Variants in VRK1 observed in about 807,000 individuals in gnomAD.
VRK1 encodes VRK serine/threonine kinase 1, also known as serine/threonine-protein kinase VRK1.
VRK1 carries 33 observed loss-of-function variants against 57.1 expected under a neutral mutation model. That is an observed-to-expected ratio of 0.58 (90% CI 0.44 to 0.77). The LOEUF (loss-of-function observed/expected upper bound fraction) is 0.77. Ranked by LOEUF, VRK1 falls within the 30% of genes least tolerant of loss-of-function variation. The pLI is 0.00. For missense variants in VRK1, 413 were observed against 477.3 expected (o/e 0.87, Z 1.25); for synonymous variants, 137 against 147.8 (o/e 0.93, Z 0.53).
chr14:96,835,372 T>C (rs1308500173), intron 2 of VRK1, among the ~76,000 whole-genome samples: 2 of 152,230 alleles, frequency 1.3e-5, no homozygotes, highest in African/African-American at 2.4e-5. Flanking sequence ...TTCTTTCTGC[T>C]TTTCTGGCTG....
chr14:96,876,179 C>T, intron 12 of VRK1, 59 bp downstream of exon 12: 1 of 1,530,066 alleles, frequency 6.5e-7, no homozygotes, highest in African/African-American at 1.4e-5. Flanking sequence ...TCATTTCCTC[C>T]CATTAGATGA....
chr14:96,879,574 C>T (rs1889170706), intron 12 of VRK1, among the ~76,000 whole-genome samples: 1 of 152,030 alleles, frequency 6.6e-6, no homozygotes, highest in African/African-American at 2.4e-5. Context: ...TTTTGTAATA[C>T]CCTTTATGCC....
intron 1 of VRK1, among the ~76,000 whole-genome samples, chr14:96,814,459 A>G (rs1886318409): frequency 6.6e-6 from 1 of 152,224 alleles, no homozygotes; most frequent in Non-Finnish European, 1.5e-5. Context: ...TTTATTTACT[A>G]AAGTTCTTTT....
chr14:96,841,491 AT>A (rs1887458816), intron 3 of VRK1, among the ~76,000 whole-genome samples: 1 of 152,110 alleles, frequency 6.6e-6, no homozygotes, highest in South Asian at 2.1e-4. Context: ...TACTCAGTTG[AT>A]TTCTCTTTTG....
At chr14:96,865,792 CAA>C (rs1888563849) in intron 11 of VRK1, among the ~76,000 whole-genome samples, 1 of 151,134 alleles carries the variant, frequency 6.6e-6, no homozygotes, top group South Asian at 2.1e-4. Context: ...TGTGATTATA[CAA>C]AGTCTTTCCT....
intron 1 of VRK1, among the ~76,000 whole-genome samples, chr14:96,829,942 T>C (rs916773472): frequency 1.3e-5 from 2 of 152,198 alleles, no homozygotes; most frequent in East Asian, 1.9e-4. Flanking sequence ...TAGATTCTTA[T>C]TGCTGTTTTC....
intron 5 of VRK1, among the ~76,000 whole-genome samples, chr14:96,850,910 C>T (rs1001475312): frequency 1.3e-5 from 2 of 152,138 alleles, no homozygotes; most frequent in South Asian, 2.1e-4. Flanking sequence ...TTTTGGAGCA[C>T]TTCTGATTTC....
Position 96,847,265 on chromosome 14 carries a change from T to G in VRK1, c.295T>G (p.Trp99Gly), listed in dbSNP as rs763123683. Reference protein sequence around the residue: ...RAAKPEQIQKWIRTRKLKYLG... With the variant: ...RAAKPEQIQKGIRTRKLKYLG... ...TCTGTTTTAATTTGTAGTTCAGAAA[T>G]GGATTCGTACCCGTAAGCTGAAGTA... is the stretch of plus-strand genomic sequence containing the variant. The change falls in exon 5 of 13, where the codon TGG (tryptophan) becomes GGG (glycine). Residue 99 changes from tryptophan (W) to glycine (G), a missense_variant. Around this residue, in one of 3 missense-constraint regions of VRK1, gnomAD observed 151 missense variants for 225.5 expected, o/e 0.67. Coordinates refer to ENST00000216639, the MANE Select transcript of VRK1 (RefSeq NM_003384.3). The G allele has an allele frequency of 9.3e-6, 15 of 1,613,578 alleles. No individual in the cohort carries two copies. Among genetic ancestry groups the G allele is most frequent in the Non-Finnish European group, 1.3e-5 (15 of 1,179,576 alleles).
chr14:96,869,649 A>C (rs1260068079), intron 11 of VRK1, among the ~76,000 whole-genome samples: 1 of 152,214 alleles, frequency 6.6e-6, no homozygotes. Flanking sequence ...CCTTTTAAGA[A>C]CATATAAGTC....
At chr14:96,817,797 A>G (rs1886452770) in intron 1 of VRK1, among the ~76,000 whole-genome samples, 1 of 152,234 alleles carries the variant, frequency 6.6e-6, no homozygotes, top group African/African-American at 2.4e-5. Flanking sequence ...TATTAGCTAT[A>G]TAGTTCACAG....
chr14:96,801,027 TAGGAACACGAGC>T (rs1355587091), intron 1 of VRK1, among the ~76,000 whole-genome samples: 9 of 152,158 alleles, frequency 5.9e-5, no homozygotes, highest in African/African-American at 2.2e-4. Flanking sequence ...TGAAAGTCAT[TAGGAACACGAGC>T]AGCCTCATTC....
At chr14:96,804,953 C>T (rs1331493889) in intron 1 of VRK1, among the ~76,000 whole-genome samples, 1 of 152,152 alleles carries the variant, frequency 6.6e-6, no homozygotes, top group East Asian at 1.9e-4. Context: ...TTAAGTTGTA[C>T]ATTTGGGAAA....
intron 3 of VRK1, among the ~76,000 whole-genome samples, chr14:96,844,919 G>A (rs1454786621): frequency 6.6e-6 from 1 of 152,182 alleles, no homozygotes; most frequent in East Asian, 1.9e-4. Flanking sequence ...AGAGCAGAGA[G>A]TATGGAGTGG....
At chr14:96,867,842 C>T (rs555653930) in intron 11 of VRK1, among the ~76,000 whole-genome samples, 2 of 152,174 alleles carry the variant, frequency 1.3e-5, no homozygotes, top group Admixed American at 6.5e-5. Context: ...AATATGTCAG[C>T]ATATTCTTGT....
chr14:96,843,123 G>T (rs546016219), intron 3 of VRK1, among the ~76,000 whole-genome samples: 3 of 152,300 alleles, frequency 2.0e-5, no homozygotes, highest in South Asian at 2.1e-4. Flanking sequence ...TTTGGTTGGG[G>T]CTTTAATCCT....
At chr14:96,810,062 T>C (rs1476454595) in intron 1 of VRK1, among the ~76,000 whole-genome samples, 1 of 152,220 alleles carries the variant, frequency 6.6e-6, no homozygotes, top group Non-Finnish European at 1.5e-5. Flanking sequence ...TCGTGGGCAT[T>C]TCTCTAATCA....
At chr14:96,827,504 C>T (rs1192502541) in intron 1 of VRK1, among the ~76,000 whole-genome samples, 1 of 152,086 alleles carries the variant, frequency 6.6e-6, no homozygotes, top group African/African-American at 2.4e-5. Flanking sequence ...ACCAGTATCT[C>T]GTGGGCAGCA....
At chr14:96,819,216 G>A (rs1263857951) in intron 1 of VRK1, among the ~76,000 whole-genome samples, 1 of 152,210 alleles carries the variant, frequency 6.6e-6, no homozygotes, top group Non-Finnish European at 1.5e-5. Context: ...TTAGGGATAT[G>A]ATGGGTTGGG....
intron 1 of VRK1, among the ~76,000 whole-genome samples, chr14:96,811,145 G>T (rs1311362350): frequency 3.3e-5 from 5 of 151,946 alleles, no homozygotes; most frequent in African/African-American, 1.2e-4. Flanking sequence ...TGGCCAGGCT[G>T]GTCTTGAACT....
Sources: gnomAD v4.1 joint callset for allele counts (sites outside exome capture counted in the v4.1 genomes callset) on GRCh38, gnomAD v4.1.1 for gene constraint, gnomAD v4.1.1 regional missense constraint, MANE v1.5 for transcripts, NCBI Gene and HGNC (gene_info 2026-07-23, HGNC 2026-07-21) for gene names.